Variants in SORCS2 observed in about 807,000 individuals in gnomAD.
The protein encoded by SORCS2 is sortilin related VPS10 domain containing receptor 2.
SORCS2 carries 100 observed loss-of-function variants against 141.6 expected under a neutral mutation model. That is an observed-to-expected ratio of 0.71 (90% CI 0.60 to 0.83). SORCS2 has a LOEUF of 0.83. Ranked by LOEUF, SORCS2 falls within the 40% of genes least tolerant of loss-of-function variation. SORCS2 has a pLI of 0.00. For missense variants in SORCS2, 1,646 were observed against 1,560.2 expected (o/e 1.05, Z -0.93); for synonymous variants, 789 against 676.9 (o/e 1.17, Z -2.57).
intron 3 of SORCS2, among the ~76,000 whole-genome samples, chr4:7,557,241 A>G (rs1156801587): frequency 6.6e-6 from 1 of 152,076 alleles, no homozygotes; most frequent in Non-Finnish European, 1.5e-5. Flanking sequence ...TTTCTCTTAT[A>G]GTGATCTTAG....
chr4:7,710,605 G>A (rs1182682934), intron 14 of SORCS2, among the ~76,000 whole-genome samples: 2 of 152,242 alleles, frequency 1.3e-5, no homozygotes, highest in African/African-American at 4.8e-5. Context: ...ATCCCAGTGT[G>A]TTGAGTTGGG....
At chr4:7,537,780 G>A (rs1380432111) in intron 3 of SORCS2, among the ~76,000 whole-genome samples, 1 of 152,172 alleles carries the variant, frequency 6.6e-6, no homozygotes, top group East Asian at 1.9e-4. Flanking sequence ...GCAGAGGCTG[G>A]AGCATCGCTT....
intron 10 of SORCS2, among the ~76,000 whole-genome samples, chr4:7,685,303 T>C (rs1009033010): frequency 6.6e-6 from 1 of 152,066 alleles, no homozygotes; most frequent in African/African-American, 2.4e-5. Context: ...CAGGCAGGCA[T>C]GTGGGAACCC....
intron 1 of SORCS2, among the ~76,000 whole-genome samples, chr4:7,338,421 AGGATGGATGGAT>A (rs71173495): frequency 6.7e-6 from 1 of 148,566 alleles, no homozygotes; most frequent in African/African-American, 2.5e-5. Flanking sequence ...GTTGGATGGA[AGGATGGATGGAT>A]GGATGGATGG....
intron 2 of SORCS2, among the ~76,000 whole-genome samples, chr4:7,453,586 C>T (rs1728642249): frequency 4.2e-5 from 5 of 120,052 alleles, no homozygotes; most frequent in African/African-American, 1.0e-4. Flanking sequence ...TGGGGTCAGG[C>T]ACTGTGTTGG....
chr4:7,517,716 T>C (rs146799877), intron 2 of SORCS2, among the ~76,000 whole-genome samples: 9 of 152,296 alleles, frequency 5.9e-5, no homozygotes, highest in African/African-American at 2.2e-4. Context: ...GCTCAGAGCA[T>C]CCCACTGATG....
chr4:7,260,707 A>G (rs916783849), intron 1 of SORCS2, among the ~76,000 whole-genome samples: 3 of 152,184 alleles, frequency 2.0e-5, no homozygotes, highest in African/African-American at 7.2e-5. Flanking sequence ...GTCAGTGGCA[A>G]CTCAGGGTGG....
At chr4:7,638,290 C>G in intron 3 of SORCS2, 38 bp from the exon 4 acceptor site, 1 of 1,489,880 alleles carries the variant, frequency 6.7e-7, no homozygotes, top group Non-Finnish European at 8.9e-7. Context: ...GGGAGAGGGG[C>G]ACCTGGCCCA....
chr4:7,420,851 G>A (rs1161148981), intron 2 of SORCS2, among the ~76,000 whole-genome samples: 4 of 152,276 alleles, frequency 2.6e-5, no homozygotes, highest in Non-Finnish European at 4.4e-5. Context: ...CATGCTTGAT[G>A]CCACTCAAAG....
intron 5 of SORCS2, among the ~76,000 whole-genome samples, chr4:7,655,613 G>A (rs1256128696): frequency 6.6e-6 from 1 of 152,256 alleles, no homozygotes; most frequent in Non-Finnish European, 1.5e-5. Flanking sequence ...CATGGGGAGA[G>A]GCGACGGCCG....
At chr4:7,435,567 C>T (rs1273381591) in intron 2 of SORCS2, among the ~76,000 whole-genome samples, 6 of 152,230 alleles carry the variant, frequency 3.9e-5, no homozygotes, top group African/African-American at 1.2e-4. Flanking sequence ...CTCAGGTCCT[C>T]GAGCCCAGCC....
chr4:7,708,032 G>A (rs1399166108), intron 14 of SORCS2, among the ~76,000 whole-genome samples: 9 of 152,320 alleles, frequency 5.9e-5, no homozygotes, highest in South Asian at 2.1e-4. Flanking sequence ...GAAATGAGTC[G>A]GCTTGAGGAG....
chr4:7,690,118 A>G (rs1280073573), intron 11 of SORCS2, among the ~76,000 whole-genome samples: 1 of 144,614 alleles, frequency 6.9e-6, no homozygotes. Flanking sequence ...TGATGGATGG[A>G]TGATGGTGGA....
intron 11 of SORCS2, among the ~76,000 whole-genome samples, chr4:7,690,099 G>T (rs1724129397): frequency 6.7e-6 from 1 of 149,830 alleles, no homozygotes; most frequent in Non-Finnish European, 1.5e-5. Context: ...TGAATGGATG[G>T]ATGATACATG....
chr4:7,409,379 G>T (rs2109148352), intron 2 of SORCS2, among the ~76,000 whole-genome samples: 1 of 152,292 alleles, frequency 6.6e-6, no homozygotes. Flanking sequence ...TCATGCCCAG[G>T]AGACCTGTAG....
At position 7,437,948 on chromosome 4, in the gene SORCS2, C is replaced by G. The variant is rs543358506; in HGVS notation, c.548+41593C>G. On this transcript the variant is annotated intron_variant, in intron 2 of 26. Coordinates refer to ENST00000507866, the MANE Select transcript of SORCS2 (RefSeq NM_020777.3). Reference sequence around the variant, plus strand: ...ACGTAATTTTTTTATAACCTTCGAGCGTAGGTGGAGACATTGTATCTCTTT... The same window carrying G: ...ACGTAATTTTTTTATAACCTTCGAGGGTAGGTGGAGACATTGTATCTCTTT... 1.9e-4 allele frequency among the ~76,000 whole-genome samples: 29 copies of G among 152,264 alleles called. 1 individual carries two copies. In the South Asian group the frequency reaches 6.0e-3, roughly 32 times the overall value.
At chr4:7,397,203 G>C (rs890015680) in intron 2 of SORCS2, among the ~76,000 whole-genome samples, 1 of 152,054 alleles carries the variant, frequency 6.6e-6, no homozygotes, top group Non-Finnish European at 1.5e-5. Context: ...TTCCATTTTT[G>C]GCTTTGCTTT....
intron 2 of SORCS2, among the ~76,000 whole-genome samples, chr4:7,478,190 G>A (rs904633929): frequency 1.3e-5 from 2 of 152,316 alleles, no homozygotes; most frequent in Admixed American, 6.5e-5. Flanking sequence ...AAGGCCGGGC[G>A]TGTAGGGTGC....
chr4:7,593,769 G>A (rs1717074214), intron 3 of SORCS2, among the ~76,000 whole-genome samples: 1 of 152,192 alleles, frequency 6.6e-6, no homozygotes, highest in South Asian at 2.1e-4. Context: ...CTGAGCGGCT[G>A]TAACTTACTT....
Sources: gnomAD v4.1 joint callset for allele counts (sites outside exome capture counted in the v4.1 genomes callset) on GRCh38, gnomAD v4.1.1 for gene constraint, MANE v1.5 for transcripts, NCBI Gene and HGNC (gene_info 2026-07-23, HGNC 2026-07-21) for gene names.